Variants in SLC25A34 observed in about 807,000 individuals in gnomAD.
SLC25A34 encodes solute carrier family 25 member 34.
In SLC25A34, 26 loss-of-function variants were observed where a neutral mutation model predicts 28.1. That is an observed-to-expected ratio of 0.93 (90% confidence interval 0.68 to 1.28). The LOEUF is 1.28. Among genes scored for constraint, SLC25A34 ranks in the 50% most tolerant of loss-of-function variants. SLC25A34 has a pLI of 0.00. For synonymous variants in SLC25A34, 182 were observed against 182.2 expected (o/e 1.00, Z 0.01); for missense variants, 384 against 409.8 (o/e 0.94, Z 0.54).
Position 15,736,339 on chromosome 1 carries a change from A to G in SLC25A34, c.-147A>G. The G allele has an allele frequency of 1.2e-6, 1 of 811,742 alleles. No homozygotes were observed. 50.3% of individuals were successfully genotyped at this position (811,742 alleles called of 1,614,324 possible). On this transcript the variant is annotated 5_prime_UTR_variant, in exon 1 of 5. Coordinates refer to ENST00000294454, the MANE Select transcript of SLC25A34 (RefSeq NM_207348.3). ...CAGGCAGCCACAGGCCTGTCAGACC[A>G]GGACCCTTACCCTCTAGACATGGCC...
rs1349655969 is a variant in SLC25A34, at chr1:15,737,997, G to A, written c.444+3G>A. 2 of 1,613,546 alleles carry A rather than the reference G, an allele frequency of 1.2e-6. No homozygotes were observed. Among genetic ancestry groups the A allele is most frequent in the South Asian group, 1.1e-5 (1 of 91,092 alleles). On this transcript the variant is annotated splice_donor_region_variant and intron_variant, in intron 2 of 4. Transcript: ENST00000294454. The stretch of plus-strand genomic sequence containing the variant: ...TGGGACACCAGCACAATCACCAGGT[G>A]AGGCCTGCCACTCTCAGAGCTCCCT...
rs1249377166 is a variant in SLC25A34 at position 15,738,191 on chromosome 1, A to T, written c.543A>T (p.Ser181=). Residue 181 remains serine, a synonymous_variant, in exon 3 of 5, where the codon TCA becomes TCT. Transcript: ENST00000294454. The part of the protein sequence containing the change: ...GGAVPRVMVG[S]AAQLATFASA... Reference sequence around the variant, plus strand: ...CTGTGCCCCGAGTCATGGTGGGCTCAGCTGCCCAGCTGGCCACCTTCGCCT... The same window carrying T: ...CTGTGCCCCGAGTCATGGTGGGCTCTGCTGCCCAGCTGGCCACCTTCGCCT... 6.2e-7 allele frequency: 1 copy of T among 1,605,162 alleles called. No individual in the cohort carries two copies. The highest frequency in any genetic ancestry group is 1.3e-5 in the African/African-American group (1 of 74,746).
chr1:15,738,339 G>A lies in SLC25A34; in HGVS notation c.597+94G>A, dbSNP rs867812170. The A allele has an allele frequency of 3.2e-5, 46 of 1,458,422 alleles. No individual in the cohort carries two copies. In the Middle Eastern group the frequency reaches 5.5e-4, roughly 17 times the overall value. The allele number at this position is 1,458,422 out of a possible 1,614,324, so 90.3% of individuals were successfully genotyped here. A position where few individuals can be genotyped will look rare whatever the true frequency, so the allele number is the denominator to read the frequency against. ...TTCCACACGGGGAAGACCAGGGGGT[G>A]GCAACAGATGGGGCCCTGCCTCTGC... is the stretch of plus-strand genomic sequence containing the variant. On this transcript the variant is annotated intron_variant, in intron 3 of 4. Coordinates refer to ENST00000294454, the MANE Select transcript of SLC25A34 (RefSeq NM_207348.3).
intron 1 of SLC25A34, chr1:15,737,649 A>G (rs1108185): frequency 0.23 from 108,629 of 463,168 alleles, 14,636 homozygotes; most frequent in African/African-American, 0.44. Context: ...GTGCTGGAGG[A>G]TCATTGTCTC....
In SLC25A34 at chr1:15,738,263, C is replaced by T. The variant is rs1361725237; in HGVS notation, c.597+18C>T. The T allele has an allele frequency of 6.3e-7, 1 of 1,579,828 alleles. No individual in the cohort carries two copies. Among genetic ancestry groups the T allele is most frequent in the African/African-American group, 1.4e-5 (1 of 73,846 alleles). On this transcript the variant is annotated intron_variant, in intron 3 of 4. Transcript: ENST00000294454. ...AGCAACAGGTGAGGAGCTGGGGACA[C>T]CTGTGCCTATCCACAGAGACACACC...
Position 15,739,523 on chromosome 1 carries a change from C to T in SLC25A34, c.*117C>T. Reference sequence around the variant, plus strand: ...CATGGGCCCAGGCCCTGCCAGAGGTCCCGGGAGAGTGTGGACAGCTCTGGT... The same window carrying T: ...CATGGGCCCAGGCCCTGCCAGAGGTTCCGGGAGAGTGTGGACAGCTCTGGT... On this transcript the variant is annotated 3_prime_UTR_variant, in exon 5 of 5. Transcript: ENST00000294454. 1.6e-6 allele frequency: 2 copies of T among 1,264,806 alleles called. No individual in the cohort carries two copies. Among genetic ancestry groups the T allele is most frequent in the South Asian group, 1.7e-5 (1 of 60,148 alleles). 78.3% of individuals were successfully genotyped at this position (1,264,806 alleles called of 1,614,324 possible). A position where few individuals can be genotyped will look rare whatever the true frequency, so the allele number is the denominator to read the frequency against.
chr1:15,736,956 C>A (rs1368149239), intron 1 of SLC25A34, 93 bp downstream of exon 1: 2 of 1,413,134 alleles, frequency 1.4e-6, no homozygotes, highest in Non-Finnish European at 1.8e-6. Flanking sequence ...GCTCAGTGGA[C>A]CTGGGTGGGG....
intron 3 of SLC25A34, 115 bp from the exon 4 acceptor site, chr1:15,738,479 C>T: frequency 6.9e-7 from 1 of 1,440,548 alleles, no homozygotes; most frequent in Non-Finnish European, 9.2e-7. Flanking sequence ...GGAGGGGCCT[C>T]ATCTGCTCCC....
chr1:15,739,488 C>A lies in SLC25A34; in HGVS notation c.*82C>A. The A allele has an allele frequency of 4.1e-6, 6 of 1,449,380 alleles. No individual in the cohort carries two copies. Among genetic ancestry groups the A allele is most frequent in the African/African-American group, 1.4e-5 (1 of 69,258 alleles). 89.8% of individuals were successfully genotyped at this position (1,449,380 alleles called of 1,614,324 possible). On this transcript the variant is annotated 3_prime_UTR_variant, in exon 5 of 5. Transcript: ENST00000294454. The stretch of plus-strand genomic sequence containing the variant: ...CCTGCTCCAGGACAACTGGCTGTCC[C>A]GGGGCGGGCCATGGGCCCAGGCCCT...
Position 15,737,884 on chromosome 1 carries a change from C to T in SLC25A34, c.379-45C>T, listed in dbSNP as rs367874702. 25 of 1,609,988 alleles carry T rather than the reference C, an allele frequency of 1.6e-5. No individual in the cohort carries two copies. The African/African-American group carries it at 3.1e-4, about 20-fold the overall frequency. ...TCAACACACACAGCTCACCCTGGCTCTCCCAGGCTCCATCCCCACACCCGT... is the reference window on the plus strand; with the variant it reads ...TCAACACACACAGCTCACCCTGGCTTTCCCAGGCTCCATCCCCACACCCGT... On this transcript the variant is annotated intron_variant, in intron 1 of 4. Transcript: ENST00000294454.
At chr1:15,736,971 G>A (rs1307236995) in intron 1 of SLC25A34, 108 bp downstream of exon 1, 1 of 1,385,908 alleles carries the variant, frequency 7.2e-7, no homozygotes, top group Non-Finnish European at 9.4e-7. Context: ...GTGGGGTGGG[G>A]CAGCCGGGGT....
intron 1 of SLC25A34, 154 bp from the exon 2 acceptor site, chr1:15,737,775 C>T: frequency 1.3e-6 from 1 of 778,446 alleles, no homozygotes. Flanking sequence ...AGAGCTGCAC[C>T]TCAACCCTAT....
Position 15,739,464 on chromosome 1 carries a change from C to T in SLC25A34, c.*58C>T. The T allele has an allele frequency of 1.4e-6, 2 of 1,480,592 alleles. No individual in the cohort carries two copies. The highest frequency in any genetic ancestry group is 1.8e-6 in the Non-Finnish European group (2 of 1,117,704). 91.7% of individuals were successfully genotyped at this position (1,480,592 alleles called of 1,614,324 possible). On this transcript the variant is annotated 3_prime_UTR_variant, in exon 5 of 5. Coordinates refer to ENST00000294454, the MANE Select transcript of SLC25A34 (RefSeq NM_207348.3). ...CCGGCACTTGGCCGGAAGTGAGAGC[C>T]TGCTCCAGGACAACTGGCTGTCCCG...
rs1283760139 is a variant in SLC25A34, at chr1:15,737,944, C to T, written c.394C>T (p.Gln132Ter). ...GCTCCCATAGATCAAAACGCAGCTG[C>T]AAGCTCAGACAGTGGCCGCAGTGGC... ...SPAYLIKTQL[Q>*]AQTVAAVAVG... is the part of the protein sequence containing the mutation. The change falls in exon 2 of 5, where the codon CAA becomes TAA. Residue 132 changes from glutamine to a stop codon, truncating the protein, a stop_gained. Transcript: ENST00000294454. LOFTEE classifies it high-confidence loss of function. 2 of 1,614,088 alleles carry T rather than the reference C, an allele frequency of 1.2e-6. No individual in the cohort carries two copies. Among genetic ancestry groups the T allele is most frequent in the Non-Finnish European group, 1.7e-6 (2 of 1,180,036 alleles).
intron 1 of SLC25A34, 71 bp from the exon 2 acceptor site, chr1:15,737,858 C>T (rs1251416051): frequency 1.4e-5 from 22 of 1,575,366 alleles, no homozygotes; most frequent in South Asian, 1.2e-4. Context: ...GCAGGGCGCC[C>T]TCAACACACA....
At chr1:15,736,970 G>A in intron 1 of SLC25A34, 107 bp downstream of exon 1, 4 of 1,381,034 alleles carry the variant, frequency 2.9e-6, no homozygotes, top group African/African-American at 2.9e-5. Flanking sequence ...GGTGGGGTGG[G>A]GCAGCCGGGG....
chr1:15,739,070 G>A, intron 4 of SLC25A34, 154 bp from the exon 5 acceptor site: 1 of 977,728 alleles, frequency 1.0e-6, no homozygotes. Flanking sequence ...TGACCCCACA[G>A]CCTTCCCATG....
chr1:15,739,128 G>T, intron 4 of SLC25A34, 96 bp from the exon 5 acceptor site: 2 of 1,445,500 alleles, frequency 1.4e-6, no homozygotes, highest in Non-Finnish European at 1.9e-6. Context: ...CTGTCCATAG[G>T]GTGTGTGGGG....
rs561160634 is a variant in SLC25A34 at position 15,739,106 on chromosome 1, A to G, written c.733-118A>G. ...GCGCCGCAGCCTCACAGGTGTGTCC[A>G]ATACAAAGGTGCTGTCCATAGGGTG... is the stretch of plus-strand genomic sequence containing the variant. On this transcript the variant is annotated intron_variant, in intron 4 of 4. Coordinates refer to ENST00000294454, the MANE Select transcript of SLC25A34 (RefSeq NM_207348.3). 26 of 1,301,014 alleles carry G rather than the reference A, an allele frequency of 2.0e-5. No individual in the cohort carries two copies. In the African/African-American group the frequency reaches 2.4e-4, roughly 12 times the overall value. The allele number at this position is 1,301,014 out of a possible 1,614,324, so 80.6% of individuals were successfully genotyped here.
Sources: gnomAD v4.1 joint callset for allele counts on GRCh38, gnomAD v4.1.1 for gene constraint, MANE v1.5 for transcripts, NCBI Gene and HGNC (gene_info 2026-07-23, HGNC 2026-07-21) for gene names.